The following DENND5B variants were observed in gnomAD, a reference collection of about 807,000 sequenced individuals.
DENND5B encodes DENN domain containing 5B, also known as DENN domain-containing protein 5B.
DENND5B carries 34 observed loss-of-function variants against 140.6 expected under a neutral mutation model. The ratio of observed to expected loss-of-function variants is 0.24; its 90% CI spans 0.18 to 0.32. The LOEUF (loss-of-function observed/expected upper bound fraction) is 0.32. Ranked by LOEUF, DENND5B falls within the 10% of genes least tolerant of loss-of-function variation. DENND5B has a pLI of 1.00. For synonymous variants in DENND5B, 551 were observed against 562.1 expected, an observed-to-expected ratio of 0.98 and a Z score of 0.28; for missense variants, 1,142 against 1,560.2, an observed-to-expected ratio of 0.73 and a Z score of 4.52.
At chr12:31,588,451 A>G (rs1294282805) in intron 1 of DENND5B, among the ~76,000 whole-genome samples, 1 of 152,218 alleles carries the variant, frequency 6.6e-6, no homozygotes, top group Non-Finnish European at 1.5e-5. Flanking sequence ...ACAGATTGAA[A>G]ATGTAGTTAG....
At chr12:31,433,624 T>A (rs979968107) in intron 7 of DENND5B, among the ~76,000 whole-genome samples, 22 of 152,172 alleles carry the variant, frequency 1.4e-4, no homozygotes, top group African/African-American at 5.1e-4. Context: ...GTAAATATTA[T>A]GAATATTTTT....
intron 1 of DENND5B, among the ~76,000 whole-genome samples, chr12:31,551,681 T>C (rs1426373122): frequency 6.6e-6 from 1 of 152,242 alleles, no homozygotes; most frequent in Non-Finnish European, 1.5e-5. Flanking sequence ...CGATATTGAT[T>C]CTTCCTACCC....
intron 13 of DENND5B, among the ~76,000 whole-genome samples, chr12:31,412,842 T>C (rs913870370): frequency 1.3e-5 from 2 of 152,214 alleles, no homozygotes; most frequent in Non-Finnish European, 2.9e-5. Context: ...ATATAAGGTT[T>C]ATATAAATTC....
intron 7 of DENND5B, among the ~76,000 whole-genome samples, chr12:31,441,563 CCTCCAA>C (rs1357976691): frequency 4.0e-5 from 6 of 151,508 alleles, no homozygotes; most frequent in Non-Finnish European, 7.4e-5. Flanking sequence ...GTCACTGCAA[CCTCCAA>C]CTCCTGGGCT....
At chr12:31,509,619 CAATA>C (rs1426667270) in intron 1 of DENND5B, among the ~76,000 whole-genome samples, 1 of 152,042 alleles carries the variant, frequency 6.6e-6, no homozygotes, top group Non-Finnish European at 1.5e-5. Context: ...TATTATGCAA[CAATA>C]AATAACTGGA....
intron 2 of DENND5B, among the ~76,000 whole-genome samples, chr12:31,481,185 T>C (rs911008524): frequency 3.3e-5 from 5 of 152,216 alleles, no homozygotes; most frequent in African/African-American, 1.2e-4. Context: ...TTTAACCATA[T>C]ATTATTACTA....
At position 31,428,706 on chromosome 12, in the gene DENND5B, T is replaced by C. The variant is rs1943360912; in HGVS notation, c.2107-2282A>G. Among the ~76,000 whole-genome samples the C allele has an allele frequency of 2.0e-5, 3 of 152,214 alleles. No individual in the cohort carries two copies. In the East Asian group the frequency reaches 5.8e-4, roughly 30 times the overall value. On this transcript the variant is annotated intron_variant, in intron 8 of 20. Transcript: ENST00000389082. Reference sequence around the variant, plus strand: ...CCTCAGCGTCCTGAGTAGCTGGGATTACAGGTGCACATCCCATGCCCGGCT... The same window carrying C: ...CCTCAGCGTCCTGAGTAGCTGGGATCACAGGTGCACATCCCATGCCCGGCT...
chr12:31,481,757 G>A (rs1374872290), intron 2 of DENND5B, among the ~76,000 whole-genome samples: 2 of 152,196 alleles, frequency 1.3e-5, no homozygotes, highest in East Asian at 3.9e-4. Context: ...TAGAACTGTG[G>A]GGAGGACAAT....
At chr12:31,577,537 C>T (rs186045718) in intron 1 of DENND5B, among the ~76,000 whole-genome samples, 6 of 151,566 alleles carry the variant, frequency 4.0e-5, no homozygotes, top group Non-Finnish European at 7.4e-5. Context: ...GGTGAAACCC[C>T]GTCTCTACTA....
At chr12:31,433,511 C>G (rs1261611772) in intron 7 of DENND5B, among the ~76,000 whole-genome samples, 7 of 152,134 alleles carry the variant, frequency 4.6e-5, no homozygotes, top group Admixed American at 3.9e-4. Flanking sequence ...GGCACAGTAT[C>G]AATACACTTT....
intron 1 of DENND5B, among the ~76,000 whole-genome samples, chr12:31,533,277 T>A (rs1948353232): frequency 6.6e-6 from 1 of 151,978 alleles, no homozygotes; most frequent in African/African-American, 2.4e-5. Context: ...AAAAAGCCAA[T>A]ACAACAACAA....
intron 12 of DENND5B, 69 bp downstream of exon 12, chr12:31,415,298 T>C (rs1942671790): frequency 3.2e-6 from 4 of 1,241,666 alleles, no homozygotes; most frequent in Non-Finnish European, 4.5e-6. Flanking sequence ...ATTTGAGCAA[T>C]TTAGTTAAAA....
At chr12:31,412,410 C>T (rs1423535559) in intron 13 of DENND5B, among the ~76,000 whole-genome samples, 1 of 152,142 alleles carries the variant, frequency 6.6e-6, no homozygotes, top group East Asian at 1.9e-4. Flanking sequence ...GTCGCAGGGG[C>T]TGGGGAGGGG....
rs1202949433 is a variant in DENND5B at position 31,433,162 on chromosome 12, A to G, written c.2099T>C (p.Leu700Ser). ...GGAAGGTAGACCACATACCTCCCTC[A>G]AGTCGTTGTCCAGCCCAACATGCTC... is the stretch of plus-strand genomic sequence containing the variant. Reference protein sequence around the residue: ...HSEHVGLDNDLREKYMQEARS... With the variant: ...HSEHVGLDNDSREKYMQEARS... Residue 700 changes from leucine (L) to serine (S), a missense_variant, in exon 8 of 21, where the codon TTG becomes TCG. Physicochemically the swap from Leu to Ser is moderately radical, Grantham distance 145. Coordinates refer to ENST00000389082, the MANE Select transcript of DENND5B (RefSeq NM_144973.4). 4 of 1,613,866 alleles carry G rather than the reference A, an allele frequency of 2.5e-6. No homozygotes were observed.
In DENND5B at chr12:31,491,223, C is replaced by T. The variant is rs549282013; in HGVS notation, c.237+4587G>A. On this transcript the variant is annotated intron_variant, in intron 2 of 20. Transcript: ENST00000389082. ...GCACAGTGGCTCACAGAGGTCGAGG[C>T]GGGCAGATCACTTGAGGCCAGGAGT... is the stretch of plus-strand genomic sequence containing the variant. Among the ~76,000 whole-genome samples, 12 of 152,142 alleles carry T rather than the reference C, an allele frequency of 7.9e-5. No individual in the cohort carries two copies. In the South Asian group the frequency reaches 1.7e-3, roughly 21 times the overall value.
intron 11 of DENND5B, among the ~76,000 whole-genome samples, chr12:31,421,861 A>AT (rs896158130): frequency 5.3e-5 from 8 of 152,000 alleles, no homozygotes; most frequent in East Asian, 1.9e-4. Flanking sequence ...CCTCATTACT[A>AT]TTTTTTTAAC....
chr12:31,513,774 T>G (rs555330394), intron 1 of DENND5B, among the ~76,000 whole-genome samples: 2 of 152,170 alleles, frequency 1.3e-5, no homozygotes, highest in African/African-American at 4.8e-5. Flanking sequence ...GCTCCTTTAA[T>G]TGGAAAATGG....
At chr12:31,569,058 AC>A (rs1388986156) in intron 1 of DENND5B, among the ~76,000 whole-genome samples, 2 of 109,664 alleles carry the variant, frequency 1.8e-5, no homozygotes, top group Non-Finnish European at 3.7e-5. Context: ...CCAGCAACAT[AC>A]CTTTTTTTTT....
intron 2 of DENND5B, among the ~76,000 whole-genome samples, chr12:31,490,213 C>A (rs1030757600): frequency 1.3e-5 from 2 of 149,524 alleles, no homozygotes; most frequent in Admixed American, 1.4e-4. Flanking sequence ...GTGAAATATT[C>A]TAGCTGCAAT....
Sources: allele counts gnomAD v4.1 joint callset (sites outside exome capture counted in the v4.1 genomes callset), GRCh38; gene constraint gnomAD v4.1.1; transcripts MANE v1.5; gene names NCBI Gene and HGNC (gene_info 2026-07-23, HGNC 2026-07-21).